PRRC1: variants seen among roughly 807,000 people sequenced by gnomAD.
PRRC1 encodes the protein proline rich coiled-coil 1, also known as protein PRRC1.
A neutral mutation model predicts 40.7 loss-of-function variants in PRRC1; 39 were observed. That is an observed-to-expected ratio of 0.96 (90% CI 0.74 to 1.25). The LOEUF is 1.25. Among genes scored for constraint, PRRC1 ranks in the 50% most tolerant of loss-of-function variants. The pLI is 0.00. For missense variants in PRRC1, 573 were observed against 548.3 expected (o/e 1.05, Z -0.45); for synonymous variants, 175 against 193.3 (o/e 0.91, Z 0.79).
intron 7 of PRRC1, among the ~76,000 whole-genome samples, chr5:127,540,368 G>A (rs1420383782): frequency 6.6e-6 from 1 of 151,830 alleles, no homozygotes; most frequent in Non-Finnish European, 1.5e-5. Context: ...TTCACCTTTT[G>A]CGGTATCATT....
intron 6 of PRRC1, among the ~76,000 whole-genome samples, chr5:127,534,507 C>A (rs773254120): frequency 7.9e-5 from 12 of 152,210 alleles, no homozygotes; most frequent in Non-Finnish European, 1.8e-4. Context: ...ATTGGACTTA[C>A]CAGAGGCTTT....
At chr5:127,534,650 T>G (rs990167819) in intron 6 of PRRC1, among the ~76,000 whole-genome samples, 2 of 152,176 alleles carry the variant, frequency 1.3e-5, no homozygotes, top group Non-Finnish European at 2.9e-5. Context: ...TCCTCTTCTC[T>G]CCAGTCTTCT....
At chr5:127,545,736 A>T (rs1046724635) in intron 7 of PRRC1, among the ~76,000 whole-genome samples, 1 of 151,954 alleles carries the variant, frequency 6.6e-6, no homozygotes, top group African/African-American at 2.4e-5. Context: ...ATATGTAACT[A>T]ACCTGCACAT....
At chr5:127,543,026 C>G (rs1264384835) in intron 7 of PRRC1, among the ~76,000 whole-genome samples, 1 of 145,074 alleles carries the variant, frequency 6.9e-6, no homozygotes, top group Admixed American at 7.1e-5. Flanking sequence ...TTGTTCCTTT[C>G]CATGTTTAGT....
intron 7 of PRRC1, among the ~76,000 whole-genome samples, chr5:127,544,908 G>T (rs921858873): frequency 6.6e-6 from 1 of 152,202 alleles, no homozygotes; most frequent in Non-Finnish European, 1.5e-5. Flanking sequence ...CCACTGTCTG[G>T]CACTCCCTAG....
chr5:127,529,735 T>A (rs1470631383), intron 4 of PRRC1, among the ~76,000 whole-genome samples: 2 of 152,114 alleles, frequency 1.3e-5, no homozygotes, highest in Non-Finnish European at 1.5e-5. Context: ...TGAATATAAA[T>A]GGCGAGTTTG....
At chr5:127,546,730 A>G (rs1768234405) in intron 7 of PRRC1, among the ~76,000 whole-genome samples, 1 of 152,182 alleles carries the variant, frequency 6.6e-6, no homozygotes, top group South Asian at 2.1e-4. Flanking sequence ...TATGTTATTC[A>G]CCATAGAGAT....
At chr5:127,520,437 T>C (rs1767428223) in intron 1 of PRRC1, among the ~76,000 whole-genome samples, 1 of 152,232 alleles carries the variant, frequency 6.6e-6, no homozygotes, top group Non-Finnish European at 1.5e-5. Context: ...AGCCTAAATG[T>C]CCTTCAGCAG....
chr5:127,542,164 T>G (rs1488250353), intron 7 of PRRC1, among the ~76,000 whole-genome samples: 2 of 152,234 alleles, frequency 1.3e-5, no homozygotes, highest in Admixed American at 6.5e-5. Flanking sequence ...GTTGTTCAGT[T>G]TCCACGTAGT....
intron 3 of PRRC1, 32 bp from the exon 4 acceptor site, chr5:127,526,585 AT>A: frequency 6.4e-7 from 1 of 1,566,770 alleles, no homozygotes; most frequent in Non-Finnish European, 8.7e-7. Flanking sequence ...TATGGAATAA[AT>A]TATACATATG....
intron 6 of PRRC1, 64 bp from the exon 7 acceptor site, chr5:127,538,974 CAT>C (rs1767967217): frequency 1.8e-6 from 2 of 1,129,938 alleles, no homozygotes; most frequent in Admixed American, 1.9e-5. Flanking sequence ...ATTGTGTAAT[CAT>C]AAATTAGTAT....
intron 5 of PRRC1, among the ~76,000 whole-genome samples, chr5:127,532,396 C>T (rs764791293): frequency 2.6e-5 from 4 of 152,152 alleles, no homozygotes; most frequent in Admixed American, 6.5e-5. Flanking sequence ...CGTGAACCAC[C>T]GCGCCCGGCC....
At chr5:127,532,525 C>T (rs891579175) in intron 5 of PRRC1, among the ~76,000 whole-genome samples, 2 of 152,066 alleles carry the variant, frequency 1.3e-5, no homozygotes, top group Non-Finnish European at 2.9e-5. Context: ...GCTGAAAAGC[C>T]ATTTTGAGCT....
At position 127,551,850 on chromosome 5, in the gene PRRC1, G is replaced by C; in HGVS notation, c.1272G>C (p.Met424Ile). 1 of 1,614,076 alleles carries C rather than the reference G, an allele frequency of 6.2e-7. No homozygotes were observed. Among genetic ancestry groups the C allele is most frequent in the South Asian group, 1.1e-5 (1 of 91,072 alleles). Residue 424 changes from methionine (M) to isoleucine (I), a missense_variant, in exon 9 of 9, where the codon ATG (methionine) becomes ATC (isoleucine). Physicochemically the swap from Met to Ile is conservative, Grantham distance 10 (BLOSUM62 1). Coordinates refer to ENST00000296666, the MANE Select transcript of PRRC1 (RefSeq NM_130809.5). ...TTACTGGGATGTCCCGTCGGCAGATGATCTACAGTGCAGCCAGAGCGATAG... is the reference window on the plus strand; with the variant it reads ...TTACTGGGATGTCCCGTCGGCAGATCATCTACAGTGCAGCCAGAGCGATAG... The part of the protein sequence containing the change: ...MAFTGMSRRQ[M>I]IYSAARAIAG...
chr5:127,531,648 A>T (rs1355078546), intron 5 of PRRC1, among the ~76,000 whole-genome samples: 2 of 104,360 alleles, frequency 1.9e-5, no homozygotes, highest in Non-Finnish European at 3.4e-5. Flanking sequence ...TTTGAGACAG[A>T]GTCTCACTCT....
chr5:127,531,937 G>A (rs1767784486), intron 5 of PRRC1, among the ~76,000 whole-genome samples: 1 of 151,514 alleles, frequency 6.6e-6, no homozygotes, highest in African/African-American at 2.4e-5. Flanking sequence ...TAACACCGAA[G>A]GGGAAAAAAG....
At chr5:127,533,930 C>A in intron 6 of PRRC1, 144 bp downstream of exon 6, 1 of 816,570 alleles carries the variant, frequency 1.2e-6, no homozygotes, top group Non-Finnish European at 2.1e-6. Context: ...ACAGCCCTAT[C>A]GTATTATGAA....
chr5:127,544,900 ACT>A (rs1427586580), intron 7 of PRRC1, among the ~76,000 whole-genome samples: 2 of 152,154 alleles, frequency 1.3e-5, no homozygotes, highest in Non-Finnish European at 2.9e-5. Context: ...TCCTGGGCCC[ACT>A]GTCTGGCACT....
At chr5:127,535,005 T>C (rs888575256) in intron 6 of PRRC1, among the ~76,000 whole-genome samples, 2 of 152,180 alleles carry the variant, frequency 1.3e-5, no homozygotes, top group African/African-American at 4.8e-5. Context: ...CAGACAGTTC[T>C]TGTTTTTCAA....
Sources: gnomAD v4.1 joint callset for allele counts (sites outside exome capture counted in the v4.1 genomes callset) on GRCh38, gnomAD v4.1.1 for gene constraint, MANE v1.5 for transcripts, NCBI Gene and HGNC (gene_info 2026-07-23, HGNC 2026-07-21) for gene names.